The following HYCC1 variants were observed in gnomAD, a reference collection of about 807,000 sequenced individuals.
The protein encoded by HYCC1 is hyccin PI4KA lipid kinase complex subunit 1.
chr7:22,929,365 T>C, the HYCC1 span, among the ~76,000 whole-genome samples: 2 of 152,170 alleles, frequency 1.3e-5, no homozygotes, highest in African/African-American at 4.8e-5. Context: ...CTAAAGAGCT[T>C]CTGCACAGCA....
At chr7:22,974,613 C>T in the HYCC1 span, among the ~76,000 whole-genome samples, 1 of 152,190 alleles carries the variant, frequency 6.6e-6, no homozygotes, top group East Asian at 1.9e-4. Context: ...GAATTCTCTT[C>T]CTCTGCTGAT....
At chr7:23,011,910 G>C in the HYCC1 span, among the ~76,000 whole-genome samples, 37 of 152,254 alleles carry the variant, frequency 2.4e-4, no homozygotes, top group East Asian at 5.2e-3. Context: ...CTCAAGGCAA[G>C]TTAACTATCT....
At chr7:22,981,600 G>A in the HYCC1 span, among the ~76,000 whole-genome samples, 1 of 152,100 alleles carries the variant, frequency 6.6e-6, no homozygotes, top group Non-Finnish European at 1.5e-5. Context: ...AAACTAACAT[G>A]CAAGACCAGA....
chr7:22,957,998 G>C, the HYCC1 span, among the ~76,000 whole-genome samples: 5 of 151,168 alleles, frequency 3.3e-5, no homozygotes, highest in Non-Finnish European at 5.9e-5. Flanking sequence ...TCTATAATTT[G>C]AGAAATTTGT....
At chr7:22,981,645 T>C in the HYCC1 span, among the ~76,000 whole-genome samples, 1 of 152,258 alleles carries the variant, frequency 6.6e-6, no homozygotes, top group South Asian at 2.1e-4. Context: ...CTGAGGATCA[T>C]CCACAAACTG....
At chr7:22,933,434 A>C in the HYCC1 span, among the ~76,000 whole-genome samples, 1,028 of 152,134 alleles carry the variant, frequency 6.8e-3, 18 homozygotes, top group African/African-American at 0.024. Flanking sequence ...CTCTAATAAC[A>C]ATTTTCTTTG....
chr7:22,931,629 AAGAAG>A, the HYCC1 span, among the ~76,000 whole-genome samples: 1 of 152,304 alleles, frequency 6.6e-6, no homozygotes, highest in South Asian at 2.1e-4. Flanking sequence ...CTCAAAGGAA[AAGAAG>A]AGAATAGTAG....
At chr7:23,008,325 T>A in the HYCC1 span, among the ~76,000 whole-genome samples, 9 of 152,032 alleles carry the variant, frequency 5.9e-5, no homozygotes, top group South Asian at 1.5e-3. Flanking sequence ...AAATATCAAA[T>A]ATACCACTTG....
chr7:23,012,740 G>A, the HYCC1 span, among the ~76,000 whole-genome samples: 2 of 152,186 alleles, frequency 1.3e-5, no homozygotes, highest in African/African-American at 4.8e-5. Flanking sequence ...GGTGCCTGTG[G>A]ATGTTAGCAG....
the HYCC1 span, among the ~76,000 whole-genome samples, chr7:23,010,214 G>C: frequency 3.3e-5 from 5 of 152,064 alleles, no homozygotes; most frequent in Admixed American, 2.0e-4. Context: ...TAGAGATGTT[G>C]CTTCCAGGAA....
the HYCC1 span, among the ~76,000 whole-genome samples, chr7:22,900,855 C>T: frequency 1.5e-3 from 225 of 152,194 alleles, no homozygotes; most frequent in African/African-American, 5.3e-3. Flanking sequence ...CAACTATATG[C>T]TCTGTACATG....
chr7:22,967,937 T>A, the HYCC1 span, among the ~76,000 whole-genome samples: 1 of 152,180 alleles, frequency 6.6e-6, no homozygotes, highest in Admixed American at 6.5e-5. Flanking sequence ...CCACCATCCC[T>A]ATCTTCTATT....
the HYCC1 span, among the ~76,000 whole-genome samples, chr7:22,985,190 A>T: frequency 6.6e-6 from 1 of 152,208 alleles, no homozygotes; most frequent in Non-Finnish European, 1.5e-5. Context: ...ATTATTCCTT[A>T]TATGTCTCAT....
At chr7:22,971,495 C>G in the HYCC1 span, among the ~76,000 whole-genome samples, 3 of 150,522 alleles carry the variant, frequency 2.0e-5, no homozygotes, top group Non-Finnish European at 4.4e-5. Context: ...GGCAACATGG[C>G]GAAACCCTGT....
At chr7:22,989,176 GC>G in the HYCC1 span, among the ~76,000 whole-genome samples, 3 of 151,762 alleles carry the variant, frequency 2.0e-5, no homozygotes, top group Non-Finnish European at 4.4e-5. Flanking sequence ...ACATAAGAAT[GC>G]CCTAGAAGAA....
the HYCC1 span, among the ~76,000 whole-genome samples, chr7:23,000,239 A>T: frequency 6.6e-6 from 1 of 152,144 alleles, no homozygotes; most frequent in East Asian, 1.9e-4. Context: ...TTTTCTACAC[A>T]TATGCTATAT....
the HYCC1 span, among the ~76,000 whole-genome samples, chr7:22,929,448 C>T: frequency 0.25 from 37,529 of 152,052 alleles, 4,770 homozygotes; most frequent in East Asian, 0.45. Flanking sequence ...CTCAATCTGA[C>T]AAAGGGCTAA....
the HYCC1 span, among the ~76,000 whole-genome samples, chr7:22,904,840 A>C: frequency 1.3e-5 from 2 of 149,238 alleles, no homozygotes; most frequent in Non-Finnish European, 3.0e-5. Flanking sequence ...GCTACTCAGG[A>C]GGCTGAGGTG....
At chr7:23,005,051 C>T in the HYCC1 span, among the ~76,000 whole-genome samples, 3,079 of 152,260 alleles carry the variant, frequency 0.02, 60 homozygotes, top group East Asian at 0.11. Context: ...GCGATCCGCC[C>T]GCCTTGGCCT....
Sources: gnomAD v4.1 joint callset for allele counts (sites outside exome capture counted in the v4.1 genomes callset) on GRCh38, gnomAD v4.1.1 for gene constraint, MANE v1.5 for transcripts, NCBI Gene and HGNC (gene_info 2026-07-23, HGNC 2026-07-21) for gene names.